HNF4A: variants seen among roughly 807,000 people sequenced by gnomAD.
HNF4A encodes hepatocyte nuclear factor 4 alpha.
In HNF4A, 15 loss-of-function variants were observed where a neutral mutation model predicts 52.4. The ratio of observed to expected loss-of-function variants is 0.29; its 90% CI spans 0.19 to 0.44. The LOEUF (loss-of-function observed/expected upper bound fraction) is 0.44, where lower values mean the gene tolerates loss of function less well. HNF4A is among the 20% of genes least tolerant of loss of function. The pLI is 1.00. For missense variants in HNF4A, 479 were observed against 647.2 expected (o/e 0.74, Z 2.82); for synonymous variants, 280 against 264.4 (o/e 1.06, Z -0.57).
rs112845208 is a variant in HNF4A at position 44,370,793 on chromosome 20, G to A, written c.49+14940G>A. The stretch of plus-strand genomic sequence containing the variant: ...TGGGCCAGTAGTGGAGGGAGGAAAC[G>A]GCAGCCTCTGCCTGGGCCTTGCCCT... On this transcript the variant is annotated intron_variant, in intron 1 of 9. Transcript: ENST00000316673. Among the ~76,000 whole-genome samples the A allele has an allele frequency of 6.1e-3, 936 of 152,282 alleles. 12 individuals carry two copies. Among genetic ancestry groups the A allele is most frequent in the African/African-American group, 0.021 (874 of 41,552 alleles).
chr20:44,416,147 C>A (rs1215095385), intron 5 of HNF4A, among the ~76,000 whole-genome samples: 1 of 152,316 alleles, frequency 6.6e-6, no homozygotes, highest in East Asian at 1.9e-4. Context: ...GCCCACCCCC[C>A]AGAACAGCTG....
At chr20:44,407,275 T>A in intron 2 of HNF4A, 106 bp from the exon 3 acceptor site, 1 of 808,940 alleles carries the variant, frequency 1.2e-6, no homozygotes, top group South Asian at 1.4e-5. Context: ...GATGAAGAGA[T>A]GAGAGCACTG....
chr20:44,422,036 T>A (rs77735929), intron 7 of HNF4A, among the ~76,000 whole-genome samples: 2,635 of 151,930 alleles, frequency 0.017, 40 homozygotes, highest in Non-Finnish European at 0.022. Context: ...TATTATTATC[T>A]CCATTTTACA....
In HNF4A at chr20:44,414,460, G is replaced by A. The variant is rs775614454; in HGVS notation, c.493-47G>A. On this transcript the variant is annotated intron_variant, in intron 4 of 9. Transcript: ENST00000316099. ...CTCTGTGCAGGGGACAGAGAGTGCG[G>A]GAGGGCCCGGACATCTCCAGCATTT... The A allele has an allele frequency of 5.0e-6, 8 of 1,613,714 alleles. No individual in the cohort carries two copies. The Admixed American group carries it at 6.7e-5, about 13-fold the overall frequency.
chr20:44,359,644 G>T (rs968031198), intron 1 of HNF4A, among the ~76,000 whole-genome samples: 1 of 152,178 alleles, frequency 6.6e-6, no homozygotes, highest in African/African-American at 2.4e-5. Flanking sequence ...GTGAGGGGCT[G>T]TCCTGTGCAC....
chr20:44,386,826 A>T (rs183172771), intron 1 of HNF4A, among the ~76,000 whole-genome samples: 8 of 152,234 alleles, frequency 5.3e-5, no homozygotes, highest in Non-Finnish European at 1.0e-4. Flanking sequence ...TAAATGTTGG[A>T]GCACATACGA....
intron 3 of HNF4A, 138 bp downstream of exon 3, chr20:44,407,613 G>A (rs533049461): frequency 2.8e-6 from 2 of 722,832 alleles, no homozygotes; most frequent in South Asian, 3.0e-5. Context: ...TGAGAAGAGG[G>A]AGGGCCTGGA....
At chr20:44,393,267 C>T (rs766472107) in intron 1 of HNF4A, among the ~76,000 whole-genome samples, 19 of 152,244 alleles carry the variant, frequency 1.2e-4, no homozygotes, top group Non-Finnish European at 2.4e-4. Flanking sequence ...GACAGCAACA[C>T]CCTCAGCCCA....
chr20:44,365,503 A>G (rs1316654246), intron 1 of HNF4A, among the ~76,000 whole-genome samples: 1 of 152,194 alleles, frequency 6.6e-6, no homozygotes, highest in Non-Finnish European at 1.5e-5. Context: ...TTTCAATAAA[A>G]AAGTGCATAG....
At chr20:44,363,867 T>G (rs1051457487) in intron 1 of HNF4A, among the ~76,000 whole-genome samples, 2 of 152,066 alleles carry the variant, frequency 1.3e-5, no homozygotes, top group Non-Finnish European at 2.9e-5. Flanking sequence ...TGACAAATTT[T>G]TGTAGTCTTG....
intron 1 of HNF4A, among the ~76,000 whole-genome samples, chr20:44,375,814 C>T (rs1052321189): frequency 3.3e-5 from 5 of 152,190 alleles, no homozygotes; most frequent in African/African-American, 9.7e-5. Context: ...CTTGGCCACT[C>T]CAAGAAATGC....
intron 8 of HNF4A, among the ~76,000 whole-genome samples, chr20:44,426,717 CA>C (rs2063818586): frequency 1.3e-5 from 2 of 152,036 alleles, no homozygotes; most frequent in Admixed American, 6.6e-5. Flanking sequence ...TGAGGCAGGA[CA>C]ATCACTTGAA....
rs749515492 is a variant in HNF4A at position 44,430,751 on chromosome 20, CG to C, written c.*1089del. 823 of 152,678 alleles carry C rather than the reference CG, an allele frequency of 5.4e-3. 9 individuals are homozygous for C. The highest frequency in any genetic ancestry group is 0.019 in the African/African-American group (778 of 41,492). The allele number at this position is 152,678 out of a possible 1,614,324, so 9.5% of individuals were successfully genotyped here. The stretch of plus-strand genomic sequence containing the variant: ...ATGAACACAGCAGTTCTGCAGAGGA[CG>C]GGAGGCTGGAAGCTGGGAGGTCAGG... On this transcript the variant is annotated 3_prime_UTR_variant, in exon 10 of 10. Transcript: ENST00000316099.
chr20:44,380,772 A>G lies in HNF4A; in HGVS notation c.49+24919A>G, dbSNP rs543597757. Among the ~76,000 whole-genome samples the G allele has an allele frequency of 1.3e-4, 20 of 152,332 alleles. No individual in the cohort carries two copies. In the East Asian group the frequency reaches 2.9e-3, roughly 22 times the overall value. On this transcript the variant is annotated intron_variant, in intron 1 of 9. Coordinates refer to the HNF4A transcript ENST00000316673. ...GCACAAATTTTTCTAATTTTGATGTAGTCCAATTTATCTAATTTTTAAAAA... is the reference window on the plus strand; with the variant it reads ...GCACAAATTTTTCTAATTTTGATGTGGTCCAATTTATCTAATTTTTAAAAA...
Position 44,381,732 on chromosome 20 carries a change from T to C in HNF4A, c.50-24326T>C, listed in dbSNP as rs562211740. Among the ~76,000 whole-genome samples, 3 of 152,238 alleles carry C rather than the reference T, an allele frequency of 2.0e-5. No individual in the cohort carries two copies. The South Asian group carries it at 6.2e-4, about 32-fold the overall frequency. ...TTCAAGTGATTCTTGTGCCTCAGCC[T>C]CCCAAGTAGCTGGGATTACAGGTGA... On this transcript the variant is annotated intron_variant, in intron 1 of 9. Coordinates refer to the HNF4A transcript ENST00000316673.
At chr20:44,422,449 C>T (rs1001033251) in intron 7 of HNF4A, among the ~76,000 whole-genome samples, 2 of 152,212 alleles carry the variant, frequency 1.3e-5, no homozygotes, top group East Asian at 3.9e-4. Flanking sequence ...TCAGTGGAGA[C>T]AGCCCACTAG....
In HNF4A at chr20:44,385,059, C is replaced by CTTTTTTTTTTTTTTTTT. The variant is rs775721024; in HGVS notation, c.50-20987_50-20971dup. ...AGTGGTTTCAGCTGAACTCTGTGAT[C>CTTTTTTTTTTTTTTTTT]TTTTTTTTTTTTTTTTTTTTTTTTT... On this transcript the variant is annotated intron_variant, in intron 1 of 9. Transcript: ENST00000316673. Among the ~76,000 whole-genome samples the CTTTTTTTTTTTTTTTTT allele has an allele frequency of 4.9e-3, 173 of 34,976 alleles. 40 individuals carry two copies. Among genetic ancestry groups the CTTTTTTTTTTTTTTTTT allele is most frequent in the Middle Eastern group, 0.021 (1 of 48 alleles). 22.9% of individuals were successfully genotyped at this position (34,976 alleles called of 152,430 possible). A position where few individuals can be genotyped will look rare whatever the true frequency, so the allele number is the denominator to read the frequency against.
intron 1 of HNF4A, among the ~76,000 whole-genome samples, chr20:44,363,840 G>A (rs888636413): frequency 6.6e-6 from 1 of 150,882 alleles, no homozygotes; most frequent in Non-Finnish European, 1.5e-5. Flanking sequence ...GGGATTGCAC[G>A]TGTGTGCCAC....
intron 1 of HNF4A, among the ~76,000 whole-genome samples, chr20:44,385,042 C>T (rs2063202400): frequency 1.2e-5 from 1 of 86,020 alleles, no homozygotes; most frequent in Non-Finnish European, 2.2e-5. Flanking sequence ...TAAGTGGTTT[C>T]AGCTGAACTC....
Sources: allele counts gnomAD v4.1 joint callset (sites outside exome capture counted in the v4.1 genomes callset), GRCh38; gene constraint gnomAD v4.1.1; transcripts MANE v1.5; gene names NCBI Gene and HGNC (gene_info 2026-07-23, HGNC 2026-07-21).